ROR1: variants seen among roughly 807,000 people sequenced by gnomAD.
The protein encoded by ROR1 is ROR family WNT receptor 1, also known as inactive tyrosine-protein kinase transmembrane receptor ROR1.
ROR1 carries 19 observed loss-of-function variants against 78.8 expected under a neutral mutation model. That is an observed-to-expected ratio of 0.24 (90% CI 0.17 to 0.35). ROR1 has a LOEUF of 0.35. ROR1 is among the 10% of genes least tolerant of loss of function. The pLI is 1.00. For missense variants in ROR1, 917 were observed against 1,177.8 expected (o/e 0.78, Z 3.24); for synonymous variants, 386 against 433.6 (o/e 0.89, Z 1.36).
chr1:63,800,461 C>G (rs1249516586), intron 1 of ROR1, among the ~76,000 whole-genome samples: 1 of 152,126 alleles, frequency 6.6e-6, no homozygotes, highest in African/African-American at 2.4e-5. Flanking sequence ...AGTTCTTATT[C>G]ACTTGGCCTC....
At chr1:64,032,375 A>G (rs901842345) in intron 2 of ROR1, among the ~76,000 whole-genome samples, 3 of 152,072 alleles carry the variant, frequency 2.0e-5, no homozygotes, top group South Asian at 2.1e-4. Context: ...GCAAAAAGCA[A>G]AATATGTTGT....
At chr1:64,104,627 A>G (rs1647714558) in intron 4 of ROR1, among the ~76,000 whole-genome samples, 1 of 151,920 alleles carries the variant, frequency 6.6e-6, no homozygotes. Context: ...CCACCCTTCA[A>G]TAGGCCCTGG....
At chr1:64,105,260 TTGAGAAGTG>T (rs1244698208) in intron 4 of ROR1, 2 of 152,246 alleles carry the variant, frequency 1.3e-5, no homozygotes, top group African/African-American at 2.4e-5. Context: ...ATGTCTTCTT[TTGAGAAGTG>T]TCTGTTCATA....
intron 2 of ROR1, among the ~76,000 whole-genome samples, chr1:64,037,253 G>T (rs560265913): frequency 1.3e-5 from 2 of 152,132 alleles, no homozygotes; most frequent in Admixed American, 1.3e-4. Context: ...CAAACAATTT[G>T]CAGATAGTTT....
chr1:63,858,125 A>T (rs549256825), intron 1 of ROR1, among the ~76,000 whole-genome samples: 1 of 152,254 alleles, frequency 6.6e-6, no homozygotes, highest in African/African-American at 2.4e-5. Flanking sequence ...AGACATATGG[A>T]GTTATTGTAT....
intron 4 of ROR1, among the ~76,000 whole-genome samples, chr1:64,068,743 T>C (rs993971609): frequency 2.0e-5 from 3 of 152,200 alleles, no homozygotes; most frequent in Non-Finnish European, 4.4e-5. Context: ...ATAGAAATTT[T>C]TTTTTCATAC....
intron 1 of ROR1, among the ~76,000 whole-genome samples, chr1:64,003,667 T>C (rs1413602929): frequency 1.4e-5 from 2 of 141,384 alleles, no homozygotes; most frequent in African/African-American, 5.1e-5. Context: ...AGCCTAGGGC[T>C]AGAGCATGGC....
rs79781851 is a variant in ROR1 at position 63,795,060 on chromosome 1, G to A, written c.91+20552G>A. On this transcript the variant is annotated intron_variant, in intron 1 of 8. Transcript: ENST00000371079. ...CCTCGAATGCCATGCAGTGAAGGGAGGTTGGAACCCTGCATCCAGGGAAGC... is the reference window on the plus strand; with the variant it reads ...CCTCGAATGCCATGCAGTGAAGGGAAGTTGGAACCCTGCATCCAGGGAAGC... Among the ~76,000 whole-genome samples the A allele has an allele frequency of 5.5e-3, 834 of 152,324 alleles. 6 individuals carry two copies. Among genetic ancestry groups the A allele is most frequent in the African/African-American group, 0.019 (799 of 41,560 alleles).
rs746934511 is a variant in ROR1 at position 64,177,487 on chromosome 1, T to G, written c.1446T>G (p.Cys482Trp). The change falls in exon 9 of 9, where the codon TGT becomes TGG. Residue 482 changes from cysteine (C) to tryptophan (W), a missense_variant. Cys to Trp is a radical substitution (Grantham distance 215, BLOSUM62 -2). Transcript: ENST00000371079. ...GCTTTATGGAAGAATTGGGTGAGTGTGCCTTTGGAAAAATCTATAAAGGCC... is the reference window on the plus strand; with the variant it reads ...GCTTTATGGAAGAATTGGGTGAGTGGGCCTTTGGAAAAATCTATAAAGGCC... The part of the protein sequence containing the change: ...AVRFMEELGE[C>W]AFGKIYKGHL... 1.9e-6 allele frequency: 3 copies of G among 1,614,188 alleles called. No individual in the cohort carries two copies. The South Asian group carries it at 3.3e-5, about 18-fold the overall frequency.
chr1:63,883,566 G>A (rs1313400535), intron 1 of ROR1, among the ~76,000 whole-genome samples: 1 of 152,180 alleles, frequency 6.6e-6, no homozygotes, highest in Non-Finnish European at 1.5e-5. Flanking sequence ...TCAGCTCTGA[G>A]CTTTTGTTAA....
chr1:63,944,121 T>C (rs1215579134), intron 1 of ROR1, among the ~76,000 whole-genome samples: 2 of 152,226 alleles, frequency 1.3e-5, no homozygotes, highest in Non-Finnish European at 2.9e-5. Context: ...TCCACAGATA[T>C]ATGCTTCTAG....
chr1:63,978,719 T>C (rs1220798009), intron 1 of ROR1, among the ~76,000 whole-genome samples: 3 of 152,184 alleles, frequency 2.0e-5, no homozygotes, highest in African/African-American at 4.8e-5. Context: ...CATCACAGCA[T>C]TGTTGGTGAT....
At chr1:63,829,800 C>T (rs918544051) in intron 1 of ROR1, among the ~76,000 whole-genome samples, 1 of 152,064 alleles carries the variant, frequency 6.6e-6, no homozygotes, top group Admixed American at 6.5e-5. Flanking sequence ...GGAAGTCTTC[C>T]AAGAAAGGAG....
chr1:64,100,319 TAAAAATA>T (rs745551685), intron 4 of ROR1, among the ~76,000 whole-genome samples: 20 of 151,844 alleles, frequency 1.3e-4, no homozygotes, highest in African/African-American at 2.9e-4. Context: ...TCATCTCTAC[TAAAAATA>T]AAAAATAAAA....
At chr1:63,962,134 T>A (rs930001121) in intron 1 of ROR1, among the ~76,000 whole-genome samples, 1 of 152,182 alleles carries the variant, frequency 6.6e-6, no homozygotes, top group South Asian at 2.1e-4. Flanking sequence ...TTAGGGTGCA[T>A]CTATAGTCCC....
intron 1 of ROR1, among the ~76,000 whole-genome samples, chr1:63,948,697 T>G (rs1400445094): frequency 6.6e-6 from 1 of 152,170 alleles, no homozygotes; most frequent in Non-Finnish European, 1.5e-5. Context: ...CTTTGGAAGG[T>G]GATTAGGTCA....
intron 8 of ROR1, among the ~76,000 whole-genome samples, chr1:64,163,231 AC>A (rs1649995329): frequency 1.2e-5 from 1 of 81,334 alleles, no homozygotes; most frequent in Non-Finnish European, 3.0e-5. Flanking sequence ...AAACACACAC[AC>A]ACACACACAC....
chr1:63,783,980 A>C (rs1418002871), intron 1 of ROR1, among the ~76,000 whole-genome samples: 1 of 152,208 alleles, frequency 6.6e-6, no homozygotes, highest in African/African-American at 2.4e-5. Context: ...TTGAACCTGC[A>C]TATCCTAAGG....
intron 4 of ROR1, among the ~76,000 whole-genome samples, chr1:64,120,826 A>G (rs920267652): frequency 1.3e-5 from 2 of 152,138 alleles, no homozygotes; most frequent in African/African-American, 2.4e-5. Flanking sequence ...AAATGGATGG[A>G]TGGGTGGATG....
Sources: gnomAD v4.1 joint callset for allele counts (sites outside exome capture counted in the v4.1 genomes callset) on GRCh38, gnomAD v4.1.1 for gene constraint, MANE v1.5 for transcripts, NCBI Gene and HGNC (gene_info 2026-07-23, HGNC 2026-07-21) for gene names.